Variants in THSD4 observed in about 807,000 individuals in gnomAD.
THSD4 encodes the protein thrombospondin type-1 domain-containing protein 4.
A neutral mutation model predicts 119.0 loss-of-function variants in THSD4; 69 were observed. The observed-to-expected ratio is 0.58, with a 90% CI of 0.48 to 0.71. The LOEUF (loss-of-function observed/expected upper bound fraction) is 0.71, where lower values mean the gene tolerates loss of function less well. Ranked by LOEUF, THSD4 falls within the 30% of genes least tolerant of loss-of-function variation. The pLI, the probability that THSD4 is intolerant of heterozygous loss-of-function variation, is 0.00. For synonymous variants in THSD4, 524 were observed against 540.4 expected, an observed-to-expected ratio of 0.97 and a Z score of 0.42; for missense variants, 1,393 against 1,391.1, an observed-to-expected ratio of 1.00 and a Z score of -0.02.
chr15:71,712,779 A>T (rs1381226831), intron 8 of THSD4, among the ~76,000 whole-genome samples: 1 of 152,196 alleles, frequency 6.6e-6, no homozygotes, highest in Non-Finnish European at 1.5e-5. Flanking sequence ...TGATACACAC[A>T]ACATGGATTA....
At chr15:71,406,688 GTGTGTGTT>G (rs1432448732) in intron 6 of THSD4, among the ~76,000 whole-genome samples, 2 of 131,870 alleles carry the variant, frequency 1.5e-5, no homozygotes, top group African/African-American at 5.8e-5. Flanking sequence ...GTGTGTGTGT[GTGTGTGTT>G]TGAAATGGAG....
At chr15:71,465,349 T>C (rs1195190266) in intron 7 of THSD4, among the ~76,000 whole-genome samples, 1 of 152,214 alleles carries the variant, frequency 6.6e-6, no homozygotes, top group Non-Finnish European at 1.5e-5. Flanking sequence ...TGTGATTCCG[T>C]AGTTTGACAC....
chr15:71,208,990 A>G (rs999204844), intron 3 of THSD4, among the ~76,000 whole-genome samples: 2 of 152,044 alleles, frequency 1.3e-5, no homozygotes, highest in Non-Finnish European at 2.9e-5. Context: ...GCAGGTCATA[A>G]TCTCTTGGGG....
chr15:71,102,043 T>G (rs1344663866), intron 1 of THSD4, among the ~76,000 whole-genome samples: 1 of 152,276 alleles, frequency 6.6e-6, no homozygotes, highest in South Asian at 2.1e-4. Flanking sequence ...ATGTTAAAAA[T>G]GTTATTCTAC....
chr15:71,481,712 G>A (rs981480945), intron 7 of THSD4, among the ~76,000 whole-genome samples: 3 of 152,130 alleles, frequency 2.0e-5, no homozygotes, highest in Admixed American at 6.5e-5. Context: ...AGATGTGTAC[G>A]TATATGCTCA....
At chr15:71,447,109 ATTTTTTTTGTTT>A (rs912353898) in intron 7 of THSD4, among the ~76,000 whole-genome samples, 4 of 69,486 alleles carry the variant, frequency 5.8e-5, no homozygotes, top group East Asian at 4.8e-4. Context: ...TCTTCCCTCC[ATTTTTTTTGTTT>A]TTTTTTTTTT....
chr15:71,765,907 G>A (rs937215809), intron 16 of THSD4, among the ~76,000 whole-genome samples: 1 of 151,966 alleles, frequency 6.6e-6, no homozygotes, highest in Non-Finnish European at 1.5e-5. Context: ...ACTAGGAAGC[G>A]CAAAGCCAAA....
intron 2 of THSD4, among the ~76,000 whole-genome samples, chr15:71,144,091 A>G (rs979328142): frequency 6.6e-6 from 1 of 152,138 alleles, no homozygotes; most frequent in African/African-American, 2.4e-5. Flanking sequence ...GTCCTGCTGC[A>G]GGGATTGTTT....
intron 6 of THSD4, among the ~76,000 whole-genome samples, chr15:71,372,484 T>G (rs1292109648): frequency 6.6e-6 from 1 of 152,238 alleles, no homozygotes; most frequent in Admixed American, 6.5e-5. Flanking sequence ...TGTTTGTTAG[T>G]TTTCCTTCTA....
chr15:71,302,916 C>A (rs1159788078), intron 6 of THSD4, among the ~76,000 whole-genome samples: 1 of 152,084 alleles, frequency 6.6e-6, no homozygotes, highest in Admixed American at 6.6e-5. Flanking sequence ...GAGGGTCTTG[C>A]AGTCATCTAC....
chr15:71,097,730 T>TATATATA (rs1567126097), intron 1 of THSD4, among the ~76,000 whole-genome samples: 12 of 118,926 alleles, frequency 1.0e-4, no homozygotes, highest in South Asian at 5.6e-4. Flanking sequence ...ATATATATAT[T>TATATATA]TTTTTTTTTA....
chr15:71,126,953 T>G (rs1281470994), intron 1 of THSD4, among the ~76,000 whole-genome samples: 1 of 152,190 alleles, frequency 6.6e-6, no homozygotes, highest in Non-Finnish European at 1.5e-5. Flanking sequence ...TATCTGAAAT[T>G]TACTCTTAGG....
intron 6 of THSD4, among the ~76,000 whole-genome samples, chr15:71,365,167 A>C (rs866406412): frequency 1.3e-5 from 1 of 75,058 alleles, no homozygotes; most frequent in Non-Finnish European, 3.0e-5. Context: ...GTGTGTGTGT[A>C]TGAGAGAGAG....
At chr15:71,285,501 G>A (rs2044703855) in intron 6 of THSD4, among the ~76,000 whole-genome samples, 1 of 152,122 alleles carries the variant, frequency 6.6e-6, no homozygotes, top group South Asian at 2.1e-4. Flanking sequence ...AAAATTTCAA[G>A]CAACTAAGTA....
At chr15:71,751,815 A>G (rs2053453560) in intron 14 of THSD4, among the ~76,000 whole-genome samples, 2 of 152,174 alleles carry the variant, frequency 1.3e-5, no homozygotes, top group Admixed American at 1.3e-4. Flanking sequence ...TTACAGTTAT[A>G]AGCCTCCATA....
intron 7 of THSD4, among the ~76,000 whole-genome samples, chr15:71,584,004 C>T (rs1055209569): frequency 1.3e-5 from 2 of 152,052 alleles, no homozygotes; most frequent in Non-Finnish European, 2.9e-5. Context: ...GACTGGGGTA[C>T]TAAAGGCCCC....
chr15:71,752,358 C>T (rs1227127153), intron 14 of THSD4, among the ~76,000 whole-genome samples: 2 of 152,148 alleles, frequency 1.3e-5, no homozygotes, highest in South Asian at 2.1e-4. Flanking sequence ...AAGTTCTTGC[C>T]GAATCTAGCT....
intron 7 of THSD4, among the ~76,000 whole-genome samples, chr15:71,534,388 A>G (rs904011306): frequency 2.0e-5 from 3 of 152,160 alleles, no homozygotes; most frequent in Non-Finnish European, 4.4e-5. Context: ...GCAACGTGTT[A>G]TTTGATTTTG....
intron 7 of THSD4, among the ~76,000 whole-genome samples, chr15:71,656,585 T>C (rs1263940593): frequency 6.6e-6 from 1 of 152,214 alleles, no homozygotes; most frequent in Non-Finnish European, 1.5e-5. Context: ...GCTTTGAACT[T>C]GTTCCTCTGC....
Sources: allele counts gnomAD v4.1 joint callset (sites outside exome capture counted in the v4.1 genomes callset), GRCh38; gene constraint gnomAD v4.1.1; transcripts MANE v1.5; gene names NCBI Gene and HGNC (gene_info 2026-07-23, HGNC 2026-07-21).